Variants in UGT1A8 observed in about 807,000 individuals in gnomAD.
The protein encoded by UGT1A8 is UDP-glucuronosyltransferase 1A8.
In UGT1A8, 39 loss-of-function variants were observed where a neutral mutation model predicts 45.3. The observed-to-expected ratio is 0.86, with a 90% CI of 0.67 to 1.12. UGT1A8 has a LOEUF of 1.12. Among genes scored for constraint, UGT1A8 ranks in the 50% most tolerant of loss-of-function variants. UGT1A8 has a pLI of 0.00. For synonymous variants in UGT1A8, 275 were observed against 249.2 expected, an observed-to-expected ratio of 1.10 and a Z score of -0.97; for missense variants, 719 against 664.9, an observed-to-expected ratio of 1.08 and a Z score of -0.90.
intron 1 of UGT1A8, chr2:233,719,713 C>T (rs761088378): frequency 6.2e-7 from 1 of 1,613,962 alleles, no homozygotes; most frequent in African/African-American, 1.3e-5. Flanking sequence ...TTCATCCAAT[C>T]AATGTTCCAG....
chr2:233,665,475 G>A (rs775591809), intron 1 of UGT1A8, among the ~76,000 whole-genome samples: 9 of 152,322 alleles, frequency 5.9e-5, no homozygotes, highest in Non-Finnish European at 1.2e-4. Flanking sequence ...GCAAAGTAGT[G>A]CCTTGTACAC....
intron 1 of UGT1A8, chr2:233,690,588 G>GAAA: frequency 6.2e-6 from 7 of 1,125,214 alleles, no homozygotes; most frequent in Admixed American, 5.3e-5. Context: ...CAATCCCTGA[G>GAAA]AAAAAAAAAA....
intron 1 of UGT1A8, among the ~76,000 whole-genome samples, chr2:233,758,085 A>G (rs1336263007): frequency 6.6e-6 from 1 of 152,196 alleles, no homozygotes; most frequent in African/African-American, 2.4e-5. Flanking sequence ...AGTTCCTAGC[A>G]TAGTGACTGC....
chr2:233,732,903 T>A (rs1448905954), intron 1 of UGT1A8, among the ~76,000 whole-genome samples: 1 of 152,162 alleles, frequency 6.6e-6, no homozygotes, highest in Non-Finnish European at 1.5e-5. Flanking sequence ...CCTTGGGCAG[T>A]ATGGCCATTT....
intron 1 of UGT1A8, among the ~76,000 whole-genome samples, chr2:233,751,545 C>T (rs562388554): frequency 7.0e-4 from 106 of 152,320 alleles, no homozygotes; most frequent in Non-Finnish European, 1.4e-3. Context: ...TGTGTTTCCA[C>T]CCAAATCTCA....
Position 233,667,598 on chromosome 2 carries a change from T to A in UGT1A8, c.855+49036T>A, listed in dbSNP as rs61691961. Among the ~76,000 whole-genome samples the A allele has an allele frequency of 7.7e-3, 1,179 of 152,188 alleles. 23 individuals are homozygous for A. The highest frequency in any genetic ancestry group is 0.027 in the African/African-American group (1,127 of 41,516). On this transcript the variant is annotated intron_variant, in intron 1 of 4. Coordinates refer to ENST00000373450, the MANE Select transcript of UGT1A8 (RefSeq NM_019076.5). ...ACTACCATCAGAGTGAACAGGCAAC[T>A]TACAGAATGGGAGAAAATTTTGGAA... is the stretch of plus-strand genomic sequence containing the variant.
intron 1 of UGT1A8, among the ~76,000 whole-genome samples, chr2:233,697,691 T>A (rs568547082): frequency 1.3e-5 from 2 of 152,252 alleles, no homozygotes; most frequent in African/African-American, 4.8e-5. Flanking sequence ...TTTCTGCTTT[T>A]TGGATGTAGG....
intron 1 of UGT1A8, among the ~76,000 whole-genome samples, chr2:233,696,821 G>A (rs2075360354): frequency 6.6e-6 from 1 of 152,138 alleles, no homozygotes; most frequent in Admixed American, 6.5e-5. Flanking sequence ...TTTATTGAGA[G>A]TGTGTATCAT....
intron 1 of UGT1A8, among the ~76,000 whole-genome samples, chr2:233,662,673 A>T (rs2073999951): frequency 6.6e-6 from 1 of 152,170 alleles, no homozygotes; most frequent in Non-Finnish European, 1.5e-5. Context: ...GGAAGTAGTA[A>T]TTAGCCCCCA....
chr2:233,747,777 A>T (rs1038765158), intron 1 of UGT1A8: 20 of 1,613,544 alleles, frequency 1.2e-5, no homozygotes, highest in Non-Finnish European at 1.3e-5. Context: ...ACAGTGTCCA[A>T]ATCCTTCCTC....
intron 1 of UGT1A8, among the ~76,000 whole-genome samples, chr2:233,758,094 G>A (rs1428723700): frequency 6.6e-6 from 1 of 152,162 alleles, no homozygotes; most frequent in Non-Finnish European, 1.5e-5. Flanking sequence ...CATAGTGACT[G>A]CCATCCAGTA....
rs199723856 is a variant in UGT1A8, at chr2:233,772,452, G to C, written c.1486G>C (p.Val496Leu). Residue 496 changes from valine (V) to leucine (L), a missense_variant, in exon 5 of 5, where the codon GTG (valine) becomes CTG (leucine). By Grantham distance (32) the Val-to-Leu change is conservative. Coordinates refer to ENST00000373450, the MANE Select transcript of UGT1A8 (RefSeq NM_019076.5). ...LDVIGFLLAV[V>L]LTVAFITFKC... Reference sequence around the variant, plus strand: ...CGTGATTGGTTTCCTCTTGGCCGTCGTGCTGACAGTGGCCTTCATCACCTT... The same window carrying C: ...CGTGATTGGTTTCCTCTTGGCCGTCCTGCTGACAGTGGCCTTCATCACCTT... 6.2e-7 allele frequency: 1 copy of C among 1,614,176 alleles called. No homozygotes were observed. Among genetic ancestry groups the C allele is most frequent in the Non-Finnish European group, 8.5e-7 (1 of 1,180,044 alleles).
At chr2:233,733,588 G>A (rs965491373) in intron 1 of UGT1A8, among the ~76,000 whole-genome samples, 3 of 152,178 alleles carry the variant, frequency 2.0e-5, no homozygotes, top group African/African-American at 7.2e-5. Flanking sequence ...CATTGGTTCT[G>A]TTTATGTGAT....
intron 1 of UGT1A8, among the ~76,000 whole-genome samples, chr2:233,662,970 T>C (rs2074005103): frequency 6.6e-6 from 1 of 152,218 alleles, no homozygotes; most frequent in African/African-American, 2.4e-5. Flanking sequence ...TATCATTAAT[T>C]ATGGTGAAAT....
intron 1 of UGT1A8, among the ~76,000 whole-genome samples, chr2:233,620,371 C>A (rs2072978693): frequency 6.6e-6 from 1 of 152,214 alleles, no homozygotes; most frequent in South Asian, 2.1e-4. Flanking sequence ...GTGTTGCCTG[C>A]ACCCTACACC....
intron 1 of UGT1A8, among the ~76,000 whole-genome samples, chr2:233,765,362 C>T (rs923355848): frequency 3.3e-5 from 5 of 152,128 alleles, no homozygotes; most frequent in African/African-American, 7.2e-5. Context: ...AACCCAGATG[C>T]CCATCAATGG....
intron 1 of UGT1A8, chr2:233,743,985 A>C (rs1333314866): frequency 3.1e-6 from 4 of 1,283,108 alleles, no homozygotes; most frequent in Non-Finnish European, 4.1e-6. Flanking sequence ...ACCCAGGCGC[A>C]GGCCCGAGTG....
chr2:233,623,390 CTTTTA>C (rs1028526954), intron 1 of UGT1A8, among the ~76,000 whole-genome samples: 1 of 152,092 alleles, frequency 6.6e-6, no homozygotes, highest in African/African-American at 2.4e-5. Flanking sequence ...TTTGTGTCCT[CTTTTA>C]TTTTGTTGAA....
intron 1 of UGT1A8, among the ~76,000 whole-genome samples, chr2:233,657,855 A>C (rs1191190962): frequency 6.6e-6 from 1 of 152,054 alleles, no homozygotes; most frequent in Non-Finnish European, 1.5e-5. Context: ...TTTTCTCTTC[A>C]TTATTGAGGT....
Sources: gnomAD v4.1 joint callset for allele counts (sites outside exome capture counted in the v4.1 genomes callset) on GRCh38, gnomAD v4.1.1 for gene constraint, MANE v1.5 for transcripts, NCBI Gene and HGNC (gene_info 2026-07-23, HGNC 2026-07-21) for gene names.